FOXP2: variants seen among roughly 807,000 people sequenced by gnomAD.
FOXP2 encodes forkhead box P2.
In FOXP2, 12 loss-of-function variants were observed where a neutral mutation model predicts 115.8. The ratio of observed to expected loss-of-function variants is 0.10; its 90% CI spans 0.07 to 0.17. The LOEUF (loss-of-function observed/expected upper bound fraction) is 0.17. FOXP2 is among the 10% of genes least tolerant of loss of function. FOXP2 has a pLI of 1.00. For synonymous variants in FOXP2, 328 were observed against 297.7 expected (o/e 1.10, Z -1.05); for missense variants, 629 against 843.5 (o/e 0.75, Z 3.15).
intron 1 of FOXP2, among the ~76,000 whole-genome samples, chr7:114,241,174 C>G (rs537297418): frequency 6.6e-6 from 1 of 152,172 alleles, no homozygotes; most frequent in South Asian, 2.1e-4. Flanking sequence ...TTTACTTTTA[C>G]TAGCATTATA....
chr7:114,157,371 A>G (rs185939048), intron 1 of FOXP2, among the ~76,000 whole-genome samples: 5 of 152,214 alleles, frequency 3.3e-5, no homozygotes, highest in Non-Finnish European at 7.4e-5. Context: ...CATGGAGTTA[A>G]TGGTAATTAA....
intron 1 of FOXP2, among the ~76,000 whole-genome samples, chr7:114,131,843 T>G (rs1036929823): frequency 6.6e-6 from 1 of 152,178 alleles, no homozygotes; most frequent in Non-Finnish European, 1.5e-5. Context: ...ATTAGTCTTT[T>G]TTTGTAACTA....
At position 114,347,812 on chromosome 7, in the gene FOXP2, A is replaced by T. The variant is rs183624347; in HGVS notation, c.-11+59703A>T. On this transcript the variant is annotated intron_variant, in intron 2 of 17. Transcript: ENST00000634411. ...ATTATCTATAAATGCCTATTAAAATAAAAACAAGATTTTCTTGATACGAAA... is the reference window on the plus strand; with the variant it reads ...ATTATCTATAAATGCCTATTAAAATTAAAACAAGATTTTCTTGATACGAAA... 4.8e-3 allele frequency among the ~76,000 whole-genome samples: 724 copies of T among 152,162 alleles called. 4 individuals carry two copies. Among genetic ancestry groups the T allele is most frequent in the Non-Finnish European group, 7.5e-3 (510 of 67,940 alleles).
At chr7:114,630,646 A>T (rs1166574511) in intron 5 of FOXP2, 1 of 154,284 alleles carries the variant, frequency 6.5e-6, no homozygotes, top group Non-Finnish European at 1.4e-5. Flanking sequence ...GCTGCCCATT[A>T]TGCAAACGTA....
At chr7:114,607,117 A>C (rs1803374232) in intron 3 of FOXP2, among the ~76,000 whole-genome samples, 2 of 152,170 alleles carry the variant, frequency 1.3e-5, no homozygotes, top group Non-Finnish European at 2.9e-5. Flanking sequence ...ACTAGATGAA[A>C]GCCATCTTAT....
intron 2 of FOXP2, among the ~76,000 whole-genome samples, chr7:114,381,187 G>C (rs557845209): frequency 6.6e-6 from 1 of 152,188 alleles, no homozygotes; most frequent in Non-Finnish European, 1.5e-5. Flanking sequence ...TTGGGATGAG[G>C]ATAAGCCAGT....
intron 2 of FOXP2, among the ~76,000 whole-genome samples, chr7:114,512,375 G>T (rs375395296): frequency 6.6e-6 from 1 of 152,120 alleles, no homozygotes; most frequent in Non-Finnish European, 1.5e-5. Flanking sequence ...GATCCCATAC[G>T]AATTCTCAAA....
intron 1 of FOXP2, among the ~76,000 whole-genome samples, chr7:114,250,711 G>A (rs1167232008): frequency 6.6e-6 from 1 of 152,118 alleles, no homozygotes; most frequent in African/African-American, 2.4e-5. Flanking sequence ...TTTGCCAGAT[G>A]AGTAGATTGC....
rs759442608 is a variant in FOXP2 at position 114,426,495 on chromosome 7, C to T, written c.-10-7C>T. The T allele has an allele frequency of 1.2e-6, 2 of 1,609,912 alleles. No homozygotes were observed. The stretch of plus-strand genomic sequence containing the variant: ...TGTGTTAATTGATACTTCTTAATCA[C>T]TTTTAGGTATTAAGTCATGATGCAG... On this transcript the variant is annotated splice_region_variant and splice_polypyrimidine_tract_variant and intron_variant, in intron 1 of 16. Coordinates refer to ENST00000350908, the MANE Select transcript of FOXP2 (RefSeq NM_014491.4).
chr7:114,422,950 A>G (rs1203613833), intron 1 of FOXP2, among the ~76,000 whole-genome samples: 1 of 151,724 alleles, frequency 6.6e-6, no homozygotes, highest in Admixed American at 6.6e-5. Context: ...ATTTGTACAA[A>G]TAAAAGACTA....
chr7:114,658,066 C>G lies in FOXP2; in HGVS notation c.1267C>G (p.Leu423Val). The change falls in exon 11 of 17, where the codon CTA (leucine) becomes GTA (valine). Residue 423 changes from leucine to valine, a missense_variant and splice_region_variant. Around this residue, in one of 9 missense-constraint regions of FOXP2, gnomAD observed 101 missense variants for 116.0 expected, o/e 0.87. Transcript: ENST00000350908. ...PSEPKPSPKP[L>V]NLVSSVTMSK... The stretch of plus-strand genomic sequence containing the variant: ...CTGCCCTTCTCTTGGGCCTTTGCAG[C>G]TAAATCTGGTGTCTAGTGTCACCAT... 9 of 1,613,710 alleles carry G rather than the reference C, an allele frequency of 5.6e-6. No homozygotes were observed. Among genetic ancestry groups the G allele is most frequent in the Non-Finnish European group, 7.6e-6 (9 of 1,179,746 alleles).
At chr7:114,335,462 T>G (rs1797828824) in intron 2 of FOXP2, among the ~76,000 whole-genome samples, 1 of 151,922 alleles carries the variant, frequency 6.6e-6, no homozygotes, top group Admixed American at 6.6e-5. Context: ...CATTAATTAC[T>G]TGAGTTGCTT....
chr7:114,388,369 A>G (rs1329204732), intron 2 of FOXP2, among the ~76,000 whole-genome samples: 2 of 151,278 alleles, frequency 1.3e-5, no homozygotes, highest in African/African-American at 4.8e-5. Context: ...AAAATTCACT[A>G]AGTAAGTTGA....
intron 3 of FOXP2, among the ~76,000 whole-genome samples, chr7:114,541,509 T>G (rs754097463): frequency 1.6e-4 from 25 of 152,022 alleles, no homozygotes; most frequent in Non-Finnish European, 3.2e-4. Context: ...TTTAGTTGAT[T>G]GCAACACAGA....
At chr7:114,107,478 G>T (rs1459771328) in intron 1 of FOXP2, among the ~76,000 whole-genome samples, 1 of 151,944 alleles carries the variant, frequency 6.6e-6, no homozygotes, top group African/African-American at 2.4e-5. Flanking sequence ...CACTAAGGAA[G>T]AGCATTTTAA....
intron 15 of FOXP2, 139 bp downstream of exon 15, chr7:114,663,658 A>G (rs1226160625): frequency 5.7e-6 from 4 of 704,820 alleles, no homozygotes; most frequent in Non-Finnish European, 9.8e-6. Context: ...CTAGTACTAT[A>G]GACAGCACTG....
intron 3 of FOXP2, among the ~76,000 whole-genome samples, chr7:114,579,493 C>T (rs1314340190): frequency 1.3e-5 from 2 of 152,070 alleles, no homozygotes; most frequent in Non-Finnish European, 2.9e-5. Flanking sequence ...CTGTCGCCCA[C>T]CCCAAACTAG....
chr7:114,268,730 G>GTGTGTA (rs1491087123), intron 1 of FOXP2, among the ~76,000 whole-genome samples: 1 of 144,524 alleles, frequency 6.9e-6, no homozygotes, highest in Non-Finnish European at 1.5e-5. Flanking sequence ...GTGTGTGTGT[G>GTGTGTA]TATGTGTGTA....
At chr7:114,500,201 G>A (rs1411906920) in intron 2 of FOXP2, among the ~76,000 whole-genome samples, 4 of 133,268 alleles carry the variant, frequency 3.0e-5, no homozygotes, top group Non-Finnish European at 6.1e-5. Flanking sequence ...GGGCGACAGA[G>A]CAAGACTCCA....
Sources: allele counts gnomAD v4.1 joint callset (sites outside exome capture counted in the v4.1 genomes callset), GRCh38; gene constraint gnomAD v4.1.1; regional missense constraint gnomAD v4.1.1; transcripts MANE v1.5; gene names NCBI Gene and HGNC (gene_info 2026-07-23, HGNC 2026-07-21).